Variants in CRADD observed in about 807,000 individuals in gnomAD.
CRADD encodes the protein CARD and death domain containing adaptor protein, also known as death domain-containing protein CRADD.
CRADD carries 9 observed loss-of-function variants against 15.5 expected under a neutral mutation model. The observed-to-expected ratio is 0.58, with a 90% confidence interval of 0.35 to 1.01. The LOEUF is 1.01. Among genes scored for constraint, CRADD ranks in the 50% least tolerant of loss-of-function variants. The pLI is 0.02. For missense variants in CRADD, 227 were observed against 250.3 expected (o/e 0.91, Z 0.63); for synonymous variants, 118 against 107.6 (o/e 1.10, Z -0.60).
At chr12:93,720,080 G>GTGAACT in intron 2 of CRADD, among the ~76,000 whole-genome samples, 1 of 151,940 alleles carries the variant, frequency 6.6e-6, no homozygotes, top group Non-Finnish European at 1.5e-5. Context: ...CAAATCCTAT[G>GTGAACT]CATTTCCCTT....
At chr12:93,840,798 CT>C (rs2137039900) in intron 2 of CRADD, among the ~76,000 whole-genome samples, 1 of 152,122 alleles carries the variant, frequency 6.6e-6, no homozygotes, top group South Asian at 2.1e-4. Context: ...AACTCCCGAC[CT>C]AAGGTGATCT....
At chr12:93,775,631 C>A (rs983548835) in intron 2 of CRADD, among the ~76,000 whole-genome samples, 2 of 152,148 alleles carry the variant, frequency 1.3e-5, no homozygotes, top group African/African-American at 4.8e-5. Context: ...GGCTTAGTAC[C>A]CCAGGCTTGT....
At chr12:93,688,425 C>T (rs954412975) in intron 2 of CRADD, among the ~76,000 whole-genome samples, 2 of 151,768 alleles carry the variant, frequency 1.3e-5, no homozygotes, top group Non-Finnish European at 2.9e-5. Flanking sequence ...ATCACTTGAA[C>T]CCAGGAGGCA....
chr12:93,755,069 G>A (rs1309636585), intron 2 of CRADD, among the ~76,000 whole-genome samples: 1 of 152,096 alleles, frequency 6.6e-6, no homozygotes, highest in Non-Finnish European at 1.5e-5. Context: ...CTTACAGGGT[G>A]GCAGGCAAGA....
chr12:93,858,563 A>T (rs1192453307), intron 2 of CRADD, among the ~76,000 whole-genome samples: 1 of 152,172 alleles, frequency 6.6e-6, no homozygotes, highest in African/African-American at 2.4e-5. Flanking sequence ...CCAAAATGAA[A>T]GCCTCCAAAG....
intron 2 of CRADD, among the ~76,000 whole-genome samples, chr12:93,711,437 C>T (rs1956072478): frequency 6.6e-6 from 1 of 152,056 alleles, no homozygotes; most frequent in Non-Finnish European, 1.5e-5. Context: ...TCATGTTATT[C>T]TCCAGCTTAA....
At chr12:93,784,201 T>C (rs1474267200) in intron 2 of CRADD, among the ~76,000 whole-genome samples, 1 of 152,142 alleles carries the variant, frequency 6.6e-6, no homozygotes, top group East Asian at 1.9e-4. Flanking sequence ...GCGCTAAATA[T>C]AGTCAAGCTG....
At chr12:93,802,223 G>A (rs1957484010) in intron 2 of CRADD, among the ~76,000 whole-genome samples, 1 of 152,194 alleles carries the variant, frequency 6.6e-6, no homozygotes, top group Non-Finnish European at 1.5e-5. Context: ...GGGATTGCTG[G>A]ATTGAATGGT....
intron 2 of CRADD, among the ~76,000 whole-genome samples, chr12:93,829,590 A>T (rs1376226390): frequency 6.6e-6 from 1 of 152,178 alleles, no homozygotes; most frequent in Non-Finnish European, 1.5e-5. Flanking sequence ...CTACGGGCCA[A>T]ATTCAGTCCA....
chr12:93,842,076 A>G (rs901483753), intron 2 of CRADD, among the ~76,000 whole-genome samples: 1 of 152,130 alleles, frequency 6.6e-6, no homozygotes, highest in Non-Finnish European at 1.5e-5. Flanking sequence ...CATAGTTAAA[A>G]AACTTTTTTG....
chr12:93,812,434 G>T (rs1336802177), intron 2 of CRADD, among the ~76,000 whole-genome samples: 1 of 151,928 alleles, frequency 6.6e-6, no homozygotes, highest in Non-Finnish European at 1.5e-5. Context: ...TAGCACTTTG[G>T]GAGGCCGAGG....
At chr12:93,878,849 G>A (rs1455677475) in intron 2 of CRADD, among the ~76,000 whole-genome samples, 1 of 152,174 alleles carries the variant, frequency 6.6e-6, no homozygotes, top group Non-Finnish European at 1.5e-5. Flanking sequence ...TCGGTATGAA[G>A]ATAAAACCAG....
intron 2 of CRADD, among the ~76,000 whole-genome samples, chr12:93,787,472 A>G (rs1019784416): frequency 1.3e-5 from 2 of 152,084 alleles, no homozygotes; most frequent in Non-Finnish European, 2.9e-5. Flanking sequence ...TCACATGTGC[A>G]TGTGTTGTAG....
At chr12:93,684,066 C>T (rs1029501695) in intron 2 of CRADD, among the ~76,000 whole-genome samples, 5 of 152,206 alleles carry the variant, frequency 3.3e-5, no homozygotes, top group East Asian at 1.9e-4. Flanking sequence ...ATACCCAGCC[C>T]GATTTTCATA....
At chr12:93,728,186 G>A (rs946636073) in intron 2 of CRADD, among the ~76,000 whole-genome samples, 5 of 152,082 alleles carry the variant, frequency 3.3e-5, no homozygotes, top group Non-Finnish European at 5.9e-5. Context: ...ACCCTTCCAC[G>A]GAAACAATTA....
intron 2 of CRADD, among the ~76,000 whole-genome samples, chr12:93,733,024 C>G (rs897383642): frequency 6.6e-6 from 1 of 152,146 alleles, no homozygotes; most frequent in Non-Finnish European, 1.5e-5. Context: ...AATTTTCTTC[C>G]CCAAGAAATG....
intron 2 of CRADD, among the ~76,000 whole-genome samples, chr12:93,693,792 A>T (rs904161834): frequency 2.6e-5 from 4 of 152,118 alleles, no homozygotes; most frequent in African/African-American, 9.6e-5. Flanking sequence ...TATCAAGAAT[A>T]CATATTTTGA....
chr12:93,881,447 G>T lies in CRADD; in HGVS notation c.299-12603G>T, dbSNP rs937708761. 2.6e-4 allele frequency among the ~76,000 whole-genome samples: 35 copies of T among 136,724 alleles called. 1 individual carries two copies. The highest frequency in any genetic ancestry group is 4.8e-4 in the African/African-American group (19 of 39,550). 89.7% of individuals were successfully genotyped at this position (136,724 alleles called of 152,430 possible). ...CTCTCAAAAAAAAAGTGTGGGGGGG[G>T]GGTGGGGATCAATCCTTTGCAGCTT... On this transcript the variant is annotated intron_variant, in intron 2 of 2. Coordinates refer to the CRADD transcript ENST00000548483.
chr12:93,804,611 A>G (rs1326395799), intron 2 of CRADD, among the ~76,000 whole-genome samples: 1 of 152,138 alleles, frequency 6.6e-6, no homozygotes, highest in Non-Finnish European at 1.5e-5. Flanking sequence ...GCCCTTGGCT[A>G]GTGACACCAT....
Sources: allele counts gnomAD v4.1 joint callset (sites outside exome capture counted in the v4.1 genomes callset), GRCh38; gene constraint gnomAD v4.1.1; transcripts MANE v1.5; gene names NCBI Gene and HGNC (gene_info 2026-07-23, HGNC 2026-07-21).